The following CPSF2 variants were observed in gnomAD, a reference collection of about 807,000 sequenced individuals.
The protein encoded by CPSF2 is cleavage and polyadenylation specificity factor subunit 2.
CPSF2 carries 51 observed loss-of-function variants against 84.2 expected under a neutral mutation model. That is an observed-to-expected ratio of 0.61 (90% CI 0.48 to 0.77). The LOEUF (loss-of-function observed/expected upper bound fraction) is 0.77. CPSF2 is among the 30% of genes least tolerant of loss of function. The pLI, the probability that CPSF2 is intolerant of heterozygous loss-of-function variation, is 0.00. For missense variants in CPSF2, 641 were observed against 929.4 expected (o/e 0.69, Z 4.03); for synonymous variants, 286 against 311.9 (o/e 0.92, Z 0.87).
rs1374464268 is a variant in CPSF2 at position 92,170,390 on chromosome 14, C to A, written c.*8646C>A. On this transcript the variant is annotated 3_prime_UTR_variant, in exon 16 of 16. Coordinates refer to ENST00000298875, the MANE Select transcript of CPSF2 (RefSeq NM_017437.3). ...TGTGATGTCCCATTAGTACTAAATACTTAAGTGTATACTTTTTAAAAACAA... is the reference window on the plus strand; with the variant it reads ...TGTGATGTCCCATTAGTACTAAATAATTAAGTGTATACTTTTTAAAAACAA... 1 of 152,088 alleles carries A rather than the reference C, an allele frequency of 6.6e-6. No homozygotes were observed. Among genetic ancestry groups the A allele is most frequent in the African/African-American group, 2.4e-5 (1 of 41,402 alleles). 9.4% of individuals were successfully genotyped at this position (152,088 alleles called of 1,614,324 possible).
In CPSF2 at chr14:92,137,814, A is replaced by C. The variant is rs1437505566; in HGVS notation, c.546-418A>C. ...ATGTTTTTATAACTGTTAAACATTTAGTTTAGAAAAAAATTTTTATGTCCT... is the reference window on the plus strand; with the variant it reads ...ATGTTTTTATAACTGTTAAACATTTCGTTTAGAAAAAAATTTTTATGTCCT... On this transcript the variant is annotated intron_variant, in intron 6 of 15. Transcript: ENST00000298875. Among the ~76,000 whole-genome samples the C allele has an allele frequency of 7.9e-5, 12 of 152,334 alleles. 1 individual carries two copies. The East Asian group carries it at 1.9e-3, about 24-fold the overall frequency.
At chr14:92,155,365 G>T in intron 11 of CPSF2, 42 bp downstream of exon 11, 1 of 1,445,964 alleles carries the variant, frequency 6.9e-7, no homozygotes, top group East Asian at 2.3e-5. Context: ...CAAATTGGAG[G>T]TATTAACTGT....
chr14:92,159,052 A>G lies in CPSF2; in HGVS notation c.1891A>G (p.Ile631Val). The part of the protein sequence containing the change: ...CKAKDAELAW[I>V]DGVLDMRVSK... The stretch of plus-strand genomic sequence containing the variant: ...GGCAAAAGATGCTGAATTAGCTTGG[A>G]TAGATGGTGTCTTAGATATGAGAGT... Residue 631 changes from isoleucine (I) to valine (V), a missense_variant, in exon 14 of 16, where the codon ATA becomes GTA. By Grantham distance (29) the Ile-to-Val change is conservative. Coordinates refer to ENST00000298875, the MANE Select transcript of CPSF2 (RefSeq NM_017437.3). 6.2e-7 allele frequency: 1 copy of G among 1,614,092 alleles called. No individual in the cohort carries two copies. The highest frequency in any genetic ancestry group is 1.3e-5 in the African/African-American group (1 of 75,046).
rs896239866 is a variant in CPSF2, at chr14:92,163,275, A to G, written c.*1531A>G. On this transcript the variant is annotated 3_prime_UTR_variant, in exon 16 of 16. Coordinates refer to ENST00000298875, the MANE Select transcript of CPSF2 (RefSeq NM_017437.3). ...AACAACCCAGTAATATCAGACTCGA[A>G]TTACTATTTCATTCTATTTCAAATG... is the stretch of plus-strand genomic sequence containing the variant. The G allele has an allele frequency of 6.6e-6, 1 of 152,406 alleles. No individual in the cohort carries two copies. Among genetic ancestry groups the G allele is most frequent in the Admixed American group, 6.5e-5 (1 of 15,286 alleles). 9.4% of individuals were successfully genotyped at this position (152,406 alleles called of 1,614,324 possible). A position where few individuals can be genotyped will look rare whatever the true frequency, so the allele number is the denominator to read the frequency against.
At chr14:92,144,188 C>T (rs1191711273) in intron 9 of CPSF2, among the ~76,000 whole-genome samples, 1 of 152,180 alleles carries the variant, frequency 6.6e-6, no homozygotes, top group Non-Finnish European at 1.5e-5. Flanking sequence ...CATCATTTGA[C>T]CCTGATTCAC....
At chr14:92,133,919 T>A in intron 3 of CPSF2, 92 bp from the exon 4 acceptor site, 1 of 1,316,888 alleles carries the variant, frequency 7.6e-7, no homozygotes, top group East Asian at 2.3e-5. Flanking sequence ...CCCAGTGTAG[T>A]CTTCAATCCA....
chr14:92,157,576 G>T lies in CPSF2; in HGVS notation c.1596-83G>T, dbSNP rs183908856. On this transcript the variant is annotated intron_variant, in intron 12 of 15. Transcript: ENST00000298875. The surrounding 1 kb of genome is among the most constrained non-coding windows in gnomAD (Gnocchi z 4.0). The stretch of plus-strand genomic sequence containing the variant: ...ACATGTGTATTTCTCAAATCCTAGT[G>T]TTATATATTGTATACATGATAAAAG... 283 of 795,284 alleles carry T rather than the reference G, an allele frequency of 3.6e-4. 1 individual carries two copies. In the Admixed American group the frequency reaches 7.1e-3, roughly 20 times the overall value. The allele number at this position is 795,284 out of a possible 1,614,324, so 49.3% of individuals were successfully genotyped here.
chr14:92,160,467 T>C (rs1246091641), intron 14 of CPSF2, among the ~76,000 whole-genome samples: 1 of 152,210 alleles, frequency 6.6e-6, no homozygotes, highest in Non-Finnish European at 1.5e-5. Context: ...AGTGATGTCT[T>C]CAGCCCTACT....
chr14:92,152,852 G>C (rs2069238994), intron 9 of CPSF2, among the ~76,000 whole-genome samples: 1 of 151,998 alleles, frequency 6.6e-6, no homozygotes, highest in Non-Finnish European at 1.5e-5. Flanking sequence ...GCTCTTTGGG[G>C]TTCTCTAATT....
chr14:92,134,910 TAAC>T (rs977022497), intron 5 of CPSF2, among the ~76,000 whole-genome samples: 14 of 152,156 alleles, frequency 9.2e-5, no homozygotes, highest in Admixed American at 2.0e-4. Context: ...AGCCCAGAAA[TAAC>T]AACAGTCTCA....
rs913986183 is a variant in CPSF2, at chr14:92,164,887, C to G, written c.*3143C>G. 3.3e-5 allele frequency: 5 copies of G among 152,176 alleles called. No homozygotes were observed. Among genetic ancestry groups the G allele is most frequent in the African/African-American group, 9.7e-5 (4 of 41,434 alleles). 9.4% of individuals were successfully genotyped at this position (152,176 alleles called of 1,614,324 possible). A position where few individuals can be genotyped will look rare whatever the true frequency, so the allele number is the denominator to read the frequency against. On this transcript the variant is annotated 3_prime_UTR_variant, in exon 16 of 16. Transcript: ENST00000298875. ...CCACTATATAATCCCAGAACACTTT[C>G]ATCACTCCAAAAAGAAACACCATAC...
At position 92,127,751 on chromosome 14, in the gene CPSF2, T is replaced by C. The variant is rs576352905; in HGVS notation, c.-35+1571T>C. On this transcript the variant is annotated intron_variant, in intron 2 of 15. Coordinates refer to ENST00000298875, the MANE Select transcript of CPSF2 (RefSeq NM_017437.3). ...TTTCAGAAGGTGAATAAGAATGGGA[T>C]CAACGGCACACATAGAGGGATTGGC... 2.2e-3 allele frequency among the ~76,000 whole-genome samples: 332 copies of C among 152,260 alleles called. 2 individuals carry two copies. Among genetic ancestry groups the C allele is most frequent in the Middle Eastern group, 3.4e-3 (1 of 294 alleles).
chr14:92,161,229 C>G lies in CPSF2; in HGVS notation c.2239C>G (p.Gln747Glu). The G allele has an allele frequency of 6.2e-7, 1 of 1,612,348 alleles. No homozygotes were observed. Among genetic ancestry groups the G allele is most frequent in the Non-Finnish European group, 8.5e-7 (1 of 1,179,370 alleles). The change falls in exon 15 of 16, where the codon CAA becomes GAA. Residue 747 changes from glutamine (Q) to glutamate (E), a missense_variant. Coordinates refer to ENST00000298875, the MANE Select transcript of CPSF2 (RefSeq NM_017437.3). ...AGGAGGTGTACTTGTTTGCAACAAT[C>G]AAGTAGCAGTCCGCAGAGTAAGTGT... is the stretch of plus-strand genomic sequence containing the variant. ...FVGGVLVCNN[Q>E]VAVRRTETGR...
At chr14:92,139,853 A>C (rs2069051672) in intron 7 of CPSF2, among the ~76,000 whole-genome samples, 1 of 151,122 alleles carries the variant, frequency 6.6e-6, no homozygotes, top group South Asian at 2.1e-4. Context: ...ATTCTTTTTA[A>C]ATAAGCTATA....
At chr14:92,152,614 T>C (rs903213030) in intron 9 of CPSF2, among the ~76,000 whole-genome samples, 12 of 151,486 alleles carry the variant, frequency 7.9e-5, no homozygotes, top group Non-Finnish European at 1.3e-4. Context: ...ACTTTTTATA[T>C]TTATAGTAGA....
At chr14:92,149,545 A>T (rs1334207279) in intron 9 of CPSF2, among the ~76,000 whole-genome samples, 3 of 152,198 alleles carry the variant, frequency 2.0e-5, no homozygotes, top group Non-Finnish European at 4.4e-5. Context: ...TGAGGCCAGG[A>T]GTTTGAGACC....
Position 92,164,418 on chromosome 14 carries a change from GT to G in CPSF2, c.*2678del, listed in dbSNP as rs1275512577. 1 of 152,128 alleles carries G rather than the reference GT, an allele frequency of 6.6e-6. No homozygotes were observed. The highest frequency in any genetic ancestry group is 1.5e-5 in the Non-Finnish European group (1 of 68,032). 9.4% of individuals were successfully genotyped at this position (152,128 alleles called of 1,614,324 possible). A position where few individuals can be genotyped will look rare whatever the true frequency, so the allele number is the denominator to read the frequency against. On this transcript the variant is annotated 3_prime_UTR_variant, in exon 16 of 16. Coordinates refer to ENST00000298875, the MANE Select transcript of CPSF2 (RefSeq NM_017437.3). ...CTAAAATTTCTCAAATGAAGACTTT[GT>G]TTTAGCTTCAATTACTTCAGAAAAT...
At chr14:92,129,854 T>A (rs2068892330) in intron 2 of CPSF2, among the ~76,000 whole-genome samples, 1 of 152,018 alleles carries the variant, frequency 6.6e-6, no homozygotes, top group Non-Finnish European at 1.5e-5. Flanking sequence ...CTCAAGCAAT[T>A]CTCTCATCTT....
Position 92,171,699 on chromosome 14 carries a change from A to G in CPSF2, c.*9955A>G, listed in dbSNP as rs1391761298. The stretch of plus-strand genomic sequence containing the variant: ...CGTTCTCCCAGTGGACAAATTTGGA[A>G]ATATATGCGTCTATGCTTGTTACCT... On this transcript the variant is annotated 3_prime_UTR_variant, in exon 16 of 16. Coordinates refer to ENST00000298875, the MANE Select transcript of CPSF2 (RefSeq NM_017437.3). 1 of 152,164 alleles carries G rather than the reference A, an allele frequency of 6.6e-6. No individual in the cohort carries two copies. Among genetic ancestry groups the G allele is most frequent in the African/African-American group, 2.4e-5 (1 of 41,434 alleles). The allele number at this position is 152,164 out of a possible 1,614,324, so 9.4% of individuals were successfully genotyped here. A position where few individuals can be genotyped will look rare whatever the true frequency, so the allele number is the denominator to read the frequency against.
Sources: allele counts gnomAD v4.1 joint callset (sites outside exome capture counted in the v4.1 genomes callset), GRCh38; gene constraint gnomAD v4.1.1; non-coding constraint Gnocchi (gnomAD v3.1); transcripts MANE v1.5; gene names NCBI Gene and HGNC (gene_info 2026-07-23, HGNC 2026-07-21).